MAST4: variants seen among roughly 807,000 people sequenced by gnomAD.
MAST4 encodes the protein microtubule-associated serine/threonine-protein kinase 4.
In MAST4, 89 loss-of-function variants were observed where a neutral mutation model predicts 162.7. The observed-to-expected ratio is 0.55, with a 90% confidence interval of 0.46 to 0.65. The LOEUF is 0.65. Ranked by LOEUF, MAST4 falls within the 30% of genes least tolerant of loss-of-function variation. The pLI, the probability that MAST4 is intolerant of heterozygous loss-of-function variation, is 0.00. For missense variants in MAST4, 3,153 were observed against 3,374.0 expected, an observed-to-expected ratio of 0.93 and a Z score of 1.62; for synonymous variants, 1,479 against 1,361.1, an observed-to-expected ratio of 1.09 and a Z score of -1.91.
intron 1 of MAST4, among the ~76,000 whole-genome samples, chr5:66,711,605 C>T (rs1287022107): frequency 6.6e-6 from 1 of 152,168 alleles, no homozygotes; most frequent in Non-Finnish European, 1.5e-5. Context: ...GAGGCCAAGG[C>T]AGGTGGATCA....
At chr5:67,117,057 A>G (rs959432606) in intron 12 of MAST4, among the ~76,000 whole-genome samples, 24 of 152,294 alleles carry the variant, frequency 1.6e-4, no homozygotes, top group African/African-American at 5.8e-4. Context: ...TAATAATAGT[A>G]TCTATTTATA....
At chr5:66,733,542 C>T (rs1031210183) in intron 1 of MAST4, among the ~76,000 whole-genome samples, 2 of 152,244 alleles carry the variant, frequency 1.3e-5, no homozygotes, top group East Asian at 1.9e-4. Flanking sequence ...TCATTGCAAC[C>T]TCCGCCTCGG....
chr5:66,748,081 A>G (rs1344173178), intron 1 of MAST4, among the ~76,000 whole-genome samples: 1 of 152,138 alleles, frequency 6.6e-6, no homozygotes, highest in African/African-American at 2.4e-5. Flanking sequence ...GTAGAGAAAC[A>G]TGACTAGGTA....
chr5:66,972,082 A>C (rs2150202637), intron 4 of MAST4, among the ~76,000 whole-genome samples: 1 of 152,314 alleles, frequency 6.6e-6, no homozygotes, highest in East Asian at 1.9e-4. Context: ...TTAACTAGGC[A>C]ATGTATGTGA....
chr5:66,697,678 A>G (rs1263427340), intron 1 of MAST4, among the ~76,000 whole-genome samples: 1 of 152,200 alleles, frequency 6.6e-6, no homozygotes, highest in Non-Finnish European at 1.5e-5. Context: ...GGTAAAAACA[A>G]TGGCACTCTT....
chr5:66,820,691 A>T (rs2149732191), intron 3 of MAST4, among the ~76,000 whole-genome samples: 1 of 152,278 alleles, frequency 6.6e-6, no homozygotes, highest in East Asian at 1.9e-4. Context: ...GCTGTGATTG[A>T]TGTTAGGGCA....
intron 4 of MAST4, among the ~76,000 whole-genome samples, chr5:66,923,821 A>G (rs900962035): frequency 2.0e-5 from 3 of 152,158 alleles, no homozygotes; most frequent in Non-Finnish European, 4.4e-5. Context: ...GGTTGATGAA[A>G]CCTGGCCTTG....
chr5:67,046,968 T>C (rs1757449967), intron 4 of MAST4, among the ~76,000 whole-genome samples: 2 of 152,200 alleles, frequency 1.3e-5, no homozygotes. Context: ...ATTACATTGA[T>C]ACAAATATGG....
intron 4 of MAST4, among the ~76,000 whole-genome samples, chr5:66,972,261 A>G (rs1380947751): frequency 1.3e-5 from 2 of 152,192 alleles, no homozygotes; most frequent in African/African-American, 4.8e-5. Flanking sequence ...GAGCTGTACT[A>G]ATAGTCTCGG....
intron 4 of MAST4, among the ~76,000 whole-genome samples, chr5:67,046,108 G>A (rs1381733596): frequency 6.6e-6 from 1 of 152,044 alleles, no homozygotes; most frequent in Non-Finnish European, 1.5e-5. Context: ...TTGTAGCCTG[G>A]GGTCCATAGA....
intron 24 of MAST4, among the ~76,000 whole-genome samples, chr5:67,150,663 A>G (rs952670260): frequency 9.9e-5 from 15 of 152,126 alleles, no homozygotes; most frequent in African/African-American, 3.6e-4. Flanking sequence ...AAATTATTTG[A>G]TTTGGGGAGA....
At chr5:66,921,171 G>A (rs781094591) in intron 4 of MAST4, among the ~76,000 whole-genome samples, 2 of 152,170 alleles carry the variant, frequency 1.3e-5, no homozygotes, top group Non-Finnish European at 2.9e-5. Context: ...AAAATCATGT[G>A]TGTTGATTTA....
chr5:66,845,085 T>TTATATATATATATATATA (rs752796951), intron 3 of MAST4, among the ~76,000 whole-genome samples: 9 of 57,970 alleles, frequency 1.6e-4, no homozygotes, highest in African/African-American at 5.0e-4. Flanking sequence ...TCACTAATCT[T>TTATATATATATATATATA]TATATATATA....
chr5:66,938,308 G>A (rs1038004280), intron 4 of MAST4, among the ~76,000 whole-genome samples: 2 of 152,052 alleles, frequency 1.3e-5, no homozygotes, highest in African/African-American at 2.4e-5. Flanking sequence ...AATTTAAAAT[G>A]CCATATAACT....
At chr5:67,076,882 A>C (rs1379429795) in intron 5 of MAST4, among the ~76,000 whole-genome samples, 1 of 152,220 alleles carries the variant, frequency 6.6e-6, no homozygotes, top group African/African-American at 2.4e-5. Flanking sequence ...TAGCAATACA[A>C]ACTCTGAGGC....
At chr5:67,059,572 C>G (rs1376345044) in intron 5 of MAST4, among the ~76,000 whole-genome samples, 1 of 152,148 alleles carries the variant, frequency 6.6e-6, no homozygotes, top group Non-Finnish European at 1.5e-5. Flanking sequence ...AAAACTGAGA[C>G]ACAGTGACTC....
chr5:67,050,594 C>A (rs1004102007), intron 4 of MAST4, among the ~76,000 whole-genome samples: 2 of 152,102 alleles, frequency 1.3e-5, no homozygotes, highest in Admixed American at 1.3e-4. Flanking sequence ...GAGGAGCTTC[C>A]CAAGGAGGTA....
intron 18 of MAST4, among the ~76,000 whole-genome samples, chr5:67,135,896 C>T (rs1309278187): frequency 6.6e-6 from 1 of 152,248 alleles, no homozygotes; most frequent in Non-Finnish European, 1.5e-5. Context: ...CAAGCACGCA[C>T]ACCTATCTTC....
intron 1 of MAST4, among the ~76,000 whole-genome samples, chr5:66,607,996 T>A (rs1300083630): frequency 6.6e-6 from 1 of 152,102 alleles, no homozygotes; most frequent in Non-Finnish European, 1.5e-5. Context: ...CTGATATGTA[T>A]ATATTTTGAA....
Sources: gnomAD v4.1 joint callset for allele counts (sites outside exome capture counted in the v4.1 genomes callset) on GRCh38, gnomAD v4.1.1 for gene constraint, MANE v1.5 for transcripts, NCBI Gene and HGNC (gene_info 2026-07-23, HGNC 2026-07-21) for gene names.